The following MALRD1 variants were observed in gnomAD, a reference collection of about 807,000 sequenced individuals.
MALRD1 encodes the protein MAM and LDL-receptor class A domain-containing protein 1.
MALRD1 carries 247 observed loss-of-function variants against 242.1 expected under a neutral mutation model. That is an observed-to-expected ratio of 1.02 (90% CI 0.92 to 1.13). The LOEUF (loss-of-function observed/expected upper bound fraction) is 1.13, where lower values mean the gene tolerates loss of function less well. MALRD1 is among the 50% of genes most tolerant of loss of function. The pLI is 0.00. For synonymous variants in MALRD1, 995 were observed against 866.6 expected, an observed-to-expected ratio of 1.15 and a Z score of -2.60; for missense variants, 2,989 against 2,533.1, an observed-to-expected ratio of 1.18 and a Z score of -3.86.
At chr10:19,715,855 C>A (rs563375311) in intron 38 of MALRD1, among the ~76,000 whole-genome samples, 1 of 152,230 alleles carries the variant, frequency 6.6e-6, no homozygotes, top group East Asian at 1.9e-4. Flanking sequence ...AACAACTAGA[C>A]CTCTCATGGA....
intron 5 of MALRD1, among the ~76,000 whole-genome samples, chr10:19,122,133 G>A (rs1564405392): frequency 6.6e-6 from 1 of 152,262 alleles, no homozygotes; most frequent in Middle Eastern, 3.4e-3. Context: ...GCCAGGGAGT[G>A]ATTGCTTGTC....
rs139800086 is a variant in MALRD1, at chr10:19,528,451, G to T, written c.5321-2743G>T. Among the ~76,000 whole-genome samples the T allele has an allele frequency of 1.1e-4, 16 of 152,182 alleles. 1 individual carries two copies. Among genetic ancestry groups the T allele is most frequent in the African/African-American group, 3.6e-4 (15 of 41,522 alleles). On this transcript the variant is annotated intron_variant, in intron 31 of 39. Transcript: ENST00000454679. ...CTACCAAAAATACAAAAATTAGCTG[G>T]GCTTGGTGGCACACACCTATAGTCC...
intron 33 of MALRD1, among the ~76,000 whole-genome samples, chr10:19,591,910 T>C (rs1046286836): frequency 2.0e-5 from 3 of 152,230 alleles, no homozygotes; most frequent in African/African-American, 7.2e-5. Flanking sequence ...AAACCACTTA[T>C]ATCAAAAAGT....
chr10:19,475,776 C>T (rs1836700927), intron 29 of MALRD1, among the ~76,000 whole-genome samples: 1 of 152,170 alleles, frequency 6.6e-6, no homozygotes, highest in Non-Finnish European at 1.5e-5. Context: ...TCTGCAGTGA[C>T]CTTTCTATGT....
chr10:19,695,519 CT>C (rs10579256), intron 38 of MALRD1, among the ~76,000 whole-genome samples: 53,656 of 116,536 alleles, frequency 0.46, 10,769 homozygotes, highest in South Asian at 0.56. Context: ...GTTTTTCTTT[CT>C]TTTTTTTTTT....
At chr10:19,650,010 A>T (rs1840797731) in intron 36 of MALRD1, among the ~76,000 whole-genome samples, 1 of 152,106 alleles carries the variant, frequency 6.6e-6, no homozygotes, top group Admixed American at 6.6e-5. Flanking sequence ...TGTTTTTGTC[A>T]TATGCTCAAA....
intron 29 of MALRD1, among the ~76,000 whole-genome samples, chr10:19,470,579 T>G (rs28801388): frequency 0.01 from 1,557 of 152,138 alleles, 49 homozygotes; most frequent in Admixed American, 0.064. Flanking sequence ...TGGTTTCCTT[T>G]TCTCCACATT....
At chr10:19,706,866 G>C (rs569387635) in intron 38 of MALRD1, among the ~76,000 whole-genome samples, 2 of 152,202 alleles carry the variant, frequency 1.3e-5, no homozygotes, top group Admixed American at 6.5e-5. Flanking sequence ...AGGGAGAACT[G>C]GATATTCATA....
At chr10:19,646,822 CAT>C (rs752837247) in intron 36 of MALRD1, among the ~76,000 whole-genome samples, 7 of 152,122 alleles carry the variant, frequency 4.6e-5, no homozygotes, top group African/African-American at 7.2e-5. Context: ...AGAGATAACA[CAT>C]GTTTCACTCT....
At chr10:19,272,280 T>A (rs571013113) in intron 19 of MALRD1, among the ~76,000 whole-genome samples, 1 of 152,170 alleles carries the variant, frequency 6.6e-6, no homozygotes, top group Non-Finnish European at 1.5e-5. Context: ...TTTTTTTTTA[T>A]TTTGAAGGAC....
chr10:19,609,680 C>T (rs1406957007), intron 35 of MALRD1, among the ~76,000 whole-genome samples: 1 of 152,002 alleles, frequency 6.6e-6, no homozygotes, highest in Non-Finnish European at 1.5e-5. Flanking sequence ...CTGTTCATGC[C>T]TAACTTATAT....
chr10:19,172,198 T>C (rs202049416), intron 13 of MALRD1, among the ~76,000 whole-genome samples: 3 of 97,960 alleles, frequency 3.1e-5, no homozygotes, highest in African/African-American at 3.2e-5. Context: ...TATATACACA[T>C]ATATATATGT....
At chr10:19,217,745 C>T (rs953433459) in intron 18 of MALRD1, among the ~76,000 whole-genome samples, 18 of 152,134 alleles carry the variant, frequency 1.2e-4, no homozygotes, top group African/African-American at 3.6e-4. Context: ...AGGATGGTCT[C>T]GATCTCTTGA....
chr10:19,475,970 G>A (rs1836709894), intron 29 of MALRD1, among the ~76,000 whole-genome samples: 1 of 152,184 alleles, frequency 6.6e-6, no homozygotes, highest in Non-Finnish European at 1.5e-5. Context: ...ACACATCAGT[G>A]ATTATTGTTG....
chr10:19,580,854 G>C (rs952370807), intron 33 of MALRD1, among the ~76,000 whole-genome samples: 3 of 152,132 alleles, frequency 2.0e-5, no homozygotes, highest in Middle Eastern at 3.4e-3. Context: ...GGCCAAACAA[G>C]CCTTCCTGAT....
At chr10:19,427,265 C>T (rs1833938699) in intron 28 of MALRD1, among the ~76,000 whole-genome samples, 1 of 152,012 alleles carries the variant, frequency 6.6e-6, no homozygotes, top group Admixed American at 6.6e-5. Flanking sequence ...GTCCTCTTGC[C>T]CAAGGCTTTA....
At position 19,607,872 on chromosome 10, in the gene MALRD1, G is replaced by T. The variant is rs1450907337; in HGVS notation, c.6040G>T (p.Asp2014Tyr). 16 of 1,549,592 alleles carry T rather than the reference G, an allele frequency of 1.0e-5. No homozygotes were observed. Among genetic ancestry groups the T allele is most frequent in the Non-Finnish European group, 1.2e-5 (14 of 1,146,484 alleles). ...QRCDGFADCM[D>Y]FQLDESSCSE... Reference sequence around the variant, plus strand: ...CTGTGATGGTTTTGCCGACTGCATGGATTTCCAGCTTGATGAGTCCAGCTG... The same window carrying T: ...CTGTGATGGTTTTGCCGACTGCATGTATTTCCAGCTTGATGAGTCCAGCTG... The change falls in exon 35 of 40, where the codon GAT (aspartate) becomes TAT (tyrosine). Residue 2014 changes from aspartate to tyrosine, a missense_variant. By Grantham distance (160) the Asp-to-Tyr change is radical. Transcript: ENST00000454679.
chr10:19,240,112 G>T (rs1838691910), intron 18 of MALRD1, among the ~76,000 whole-genome samples: 1 of 152,008 alleles, frequency 6.6e-6, no homozygotes, highest in Non-Finnish European at 1.5e-5. Context: ...AATAGTATCA[G>T]TTCTTCCAAT....
chr10:19,162,305 C>G (rs1161276662), intron 12 of MALRD1, among the ~76,000 whole-genome samples: 1 of 152,042 alleles, frequency 6.6e-6, no homozygotes, highest in Non-Finnish European at 1.5e-5. Context: ...CTCTCTCTCT[C>G]TGTTACTTTC....
Sources: gnomAD v4.1 joint callset for allele counts (sites outside exome capture counted in the v4.1 genomes callset) on GRCh38, gnomAD v4.1.1 for gene constraint, MANE v1.5 for transcripts, NCBI Gene and HGNC (gene_info 2026-07-23, HGNC 2026-07-21) for gene names.